PCDHB7: variants seen among roughly 807,000 people sequenced by gnomAD.
PCDHB7 encodes the protein protocadherin beta 7.
For synonymous variants in PCDHB7, 542 were observed against 463.1 expected, an observed-to-expected ratio of 1.17 and a Z score of -2.19; for missense variants, 1,148 against 1,011.6, an observed-to-expected ratio of 1.13 and a Z score of -1.83.
At position 141,174,864 on chromosome 5, in the gene PCDHB7, G is replaced by A. The variant is rs1358545738; in HGVS notation, c.2029G>A (p.Ala677Thr). ...GCCCTACCTGCGGCTCCCGGAGGCG[G>A]CCCCGGACCAGGCCAACTCGCTCAC... ...SQPYLRLPEA[A>T]PDQANSLTVY... Residue 677 changes from alanine (A) to threonine (T), a missense_variant, in exon 1 of 1, where the codon GCC becomes ACC. By Grantham distance (58) the Ala-to-Thr change is moderately conservative. Coordinates refer to ENST00000231137, the MANE Select transcript of PCDHB7 (RefSeq NM_018940.4). 9 of 1,610,802 alleles carry A rather than the reference G, an allele frequency of 5.6e-6. No homozygotes were observed. The highest frequency in any genetic ancestry group is 2.2e-5 in the East Asian group (1 of 44,752).
chr5:141,176,189 A>T lies in PCDHB7; in HGVS notation c.*972A>T, dbSNP rs782482960. On this transcript the variant is annotated 3_prime_UTR_variant, in exon 1 of 1. Coordinates refer to ENST00000231137, the MANE Select transcript of PCDHB7 (RefSeq NM_018940.4). ...TATTGTAGATTTTCTGCAGTCACCCATACTTAACATTTGTAATACATTTTC... is the reference window on the plus strand; with the variant it reads ...TATTGTAGATTTTCTGCAGTCACCCTTACTTAACATTTGTAATACATTTTC... 6.0e-6 allele frequency: 1 copy of T among 167,168 alleles called. No individual in the cohort carries two copies. The highest frequency in any genetic ancestry group is 1.5e-5 in the Non-Finnish European group (1 of 68,134). 10.4% of individuals were successfully genotyped at this position (167,168 alleles called of 1,614,324 possible).
Position 141,175,960 on chromosome 5 carries a change from C to A in PCDHB7, c.*743C>A, listed in dbSNP as rs1753371800. 1.2e-5 allele frequency: 2 copies of A among 167,136 alleles called. No individual in the cohort carries two copies. Among genetic ancestry groups the A allele is most frequent in the Admixed American group, 1.3e-4 (2 of 15,280 alleles). 10.4% of individuals were successfully genotyped at this position (167,136 alleles called of 1,614,324 possible). On this transcript the variant is annotated 3_prime_UTR_variant, in exon 1 of 1. Coordinates refer to ENST00000231137, the MANE Select transcript of PCDHB7 (RefSeq NM_018940.4). Reference sequence around the variant, plus strand: ...TTTTATTTTCTTATACACCAAAAGTCCTGCTTTTCTGGGTCAATTTTCAAC... The same window carrying A: ...TTTTATTTTCTTATACACCAAAAGTACTGCTTTTCTGGGTCAATTTTCAAC...
chr5:141,174,426 G>T lies in PCDHB7; in HGVS notation c.1591G>T (p.Val531Leu), dbSNP rs782331651. Residue 531 changes from valine (V) to leucine (L), a missense_variant, in exon 1 of 1, where the codon GTG becomes TTG. Physicochemically the swap from Val to Leu is conservative, Grantham distance 32 (BLOSUM62 1). Coordinates refer to ENST00000231137, the MANE Select transcript of PCDHB7 (RefSeq NM_018940.4). ...GGCCCTGCAGGCGTTCGAGTTCCGC[G>T]TGGGCGCCACAGACCGCGGCTCCCC... is the stretch of plus-strand genomic sequence containing the variant. ...YEALQAFEFR[V>L]GATDRGSPAL... The T allele has an allele frequency of 6.2e-7, 1 of 1,611,860 alleles. No individual in the cohort carries two copies. Among genetic ancestry groups the T allele is most frequent in the Non-Finnish European group, 8.5e-7 (1 of 1,179,770 alleles).
rs1199093555 is a variant in PCDHB7, at chr5:141,175,316, T to C, written c.*99T>C. On this transcript the variant is annotated 3_prime_UTR_variant, in exon 1 of 1. Transcript: ENST00000231137. ...GAGTGTCTTTACATCATTTCAAATA[T>C]GTACTCTTGAAGTCAAGCAATAAAT... is the stretch of plus-strand genomic sequence containing the variant. 3.2e-6 allele frequency: 4 copies of C among 1,232,678 alleles called. No homozygotes were observed. Among genetic ancestry groups the C allele is most frequent in the Middle Eastern group, 2.0e-4 (1 of 4,948 alleles). 76.4% of individuals were successfully genotyped at this position (1,232,678 alleles called of 1,614,324 possible). A position where few individuals can be genotyped will look rare whatever the true frequency, so the allele number is the denominator to read the frequency against.
Position 141,174,787 on chromosome 5 carries a change from C to A in PCDHB7, c.1952C>A (p.Pro651Gln). Reference sequence around the variant, plus strand: ...CTGGTCAAGGACAATGGCGAGCCTCCGCGCTCGGCCACCGCCACGCTGCAC... The same window carrying A: ...CTGGTCAAGGACAATGGCGAGCCTCAGCGCTCGGCCACCGCCACGCTGCAC... Reference protein sequence around the residue: ...VVLVKDNGEPPRSATATLHVL... With the variant: ...VVLVKDNGEPQRSATATLHVL... Residue 651 changes from proline (P) to glutamine (Q), a missense_variant, in exon 1 of 1, where the codon CCG becomes CAG. Pro to Gln is a moderately conservative substitution (Grantham distance 76). Transcript: ENST00000231137. The A allele has an allele frequency of 1.2e-6, 2 of 1,611,198 alleles. No homozygotes were observed. The highest frequency in any genetic ancestry group is 1.1e-5 in the South Asian group (1 of 90,978).
rs1224780598 is a variant in PCDHB7 at position 141,176,380 on chromosome 5, T to A, written c.*1163T>A. On this transcript the variant is annotated 3_prime_UTR_variant, in exon 1 of 1. Coordinates refer to ENST00000231137, the MANE Select transcript of PCDHB7 (RefSeq NM_018940.4). ...TCTCGGAAGTTAAGGAGAAGCACTG[T>A]TTTTTATAAAAATTTACAACTGATT... 1 of 166,644 alleles carries A rather than the reference T, an allele frequency of 6.0e-6. No individual in the cohort carries two copies. Among genetic ancestry groups the A allele is most frequent in the Admixed American group, 6.5e-5 (1 of 15,302 alleles). 10.3% of individuals were successfully genotyped at this position (166,644 alleles called of 1,614,324 possible).
chr5:141,173,047 A>G lies in PCDHB7; in HGVS notation c.212A>G (p.Asn71Ser), dbSNP rs1554279890. 1 of 1,614,216 alleles carries G rather than the reference A, an allele frequency of 6.2e-7. No homozygotes were observed. The highest frequency in any genetic ancestry group is 1.1e-5 in the South Asian group (1 of 91,086). The change falls in exon 1 of 1, where the codon AAC becomes AGC. Residue 71 changes from asparagine (N) to serine (S), a missense_variant. By Grantham distance (46) the Asn-to-Ser change is conservative. Transcript: ENST00000231137. ...ARGTRIVSDQ[N>S]MQILLLSSLT... Reference sequence around the variant, plus strand: ...GGAACTAGAATTGTTTCAGACCAGAACATGCAAATTTTACTGCTCAGTTCG... The same window carrying G: ...GGAACTAGAATTGTTTCAGACCAGAGCATGCAAATTTTACTGCTCAGTTCG...
In PCDHB7 at chr5:141,173,649, G is replaced by A. The variant is rs781836003; in HGVS notation, c.814G>A (p.Gly272Arg). 5.0e-6 allele frequency: 8 copies of A among 1,614,136 alleles called. No individual in the cohort carries two copies. The South Asian group carries it at 6.6e-5, about 13-fold the overall frequency. The change falls in exon 1 of 1, where the codon GGA (glycine) becomes AGA (arginine). Residue 272 changes from glycine (G) to arginine (R), a missense_variant. Gly to Arg is a moderately radical substitution (Grantham distance 125). Coordinates refer to ENST00000231137, the MANE Select transcript of PCDHB7 (RefSeq NM_018940.4). The part of the protein sequence containing the change: ...VSVSARDLDT[G>R]SNGEIAYAFS... ...CGTGTCAGCCAGAGATTTAGATACC[G>A]GAAGTAATGGGGAAATAGCCTATGC... is the stretch of plus-strand genomic sequence containing the variant.
Position 141,172,720 on chromosome 5 carries a change from C to G in PCDHB7, c.-116C>G. The G allele has an allele frequency of 1.2e-6, 1 of 804,434 alleles. No individual in the cohort carries two copies. The allele number at this position is 804,434 out of a possible 1,614,324, so 49.8% of individuals were successfully genotyped here. A position where few individuals can be genotyped will look rare whatever the true frequency, so the allele number is the denominator to read the frequency against. ...ATAGGAATTGGGGTAAAATGAGGATCCTTCCCCACAAACATTGCTATTATT... is the reference window on the plus strand; with the variant it reads ...ATAGGAATTGGGGTAAAATGAGGATGCTTCCCCACAAACATTGCTATTATT... On this transcript the variant is annotated 5_prime_UTR_variant, in exon 1 of 1. In the 5' UTR this introduces an upstream ATG that the reference lacks. Transcript: ENST00000231137.
rs1554280168 is a variant in PCDHB7 at position 141,174,128 on chromosome 5, G to T, written c.1293G>T (p.Leu431=). ...TCACCGACTTGGGGACACCCAGGCT[G>T]AAAACCGAGCACAACATAACCGTGC... ...ITVTDLGTPR[L]KTEHNITVLV... Residue 431 remains leucine, a synonymous_variant, in exon 1 of 1, where the codon CTG becomes CTT. Coordinates refer to ENST00000231137, the MANE Select transcript of PCDHB7 (RefSeq NM_018940.4). 6.2e-7 allele frequency: 1 copy of T among 1,614,086 alleles called. No individual in the cohort carries two copies. Among genetic ancestry groups the T allele is most frequent in the Non-Finnish European group, 8.5e-7 (1 of 1,180,044 alleles).
chr5:141,173,263 T>C lies in PCDHB7; in HGVS notation c.428T>C (p.Leu143Ser). Residue 143 changes from leucine (L) to serine (S), a missense_variant, in exon 1 of 1, where the codon TTA (leucine) becomes TCA (serine). Transcript: ENST00000231137. ...FLDREISLKI[L>S]ESTTPGAAFL... is the part of the protein sequence containing the mutation. ...GACAGAGAGATTTCCTTGAAAATAT[T>C]AGAAAGTACCACTCCAGGGGCGGCA... 6.2e-7 allele frequency: 1 copy of C among 1,614,150 alleles called. No homozygotes were observed. Among genetic ancestry groups the C allele is most frequent in the Non-Finnish European group, 8.5e-7 (1 of 1,180,030 alleles).
Position 141,175,074 on chromosome 5 carries a change from T to C in PCDHB7, c.2239T>C (p.Tyr747His), listed in dbSNP as rs1359380173. Residue 747 changes from tyrosine to histidine, a missense_variant, in exon 1 of 1, where the codon TAC becomes CAC. Physicochemically the swap from Tyr to His is moderately conservative, Grantham distance 83 (BLOSUM62 2). Coordinates refer to ENST00000231137, the MANE Select transcript of PCDHB7 (RefSeq NM_018940.4). ...LSGTGTLSQS[Y>H]QYEVCLTGGS... ...CGGCACCGGGACCCTATCCCAGAGC[T>C]ACCAGTATGAGGTGTGCCTGACTGG... The C allele has an allele frequency of 6.2e-7, 1 of 1,614,096 alleles. No individual in the cohort carries two copies. The highest frequency in any genetic ancestry group is 2.2e-5 in the East Asian group (1 of 44,884).
chr5:141,172,892 A>T lies in PCDHB7; in HGVS notation c.57A>T (p.Val19=). 6.2e-7 allele frequency: 1 copy of T among 1,614,146 alleles called. No homozygotes were observed. The highest frequency in any genetic ancestry group is 8.5e-7 in the Non-Finnish European group (1 of 1,180,012). ...VQKRQVLFLC[V]FLGMSWAGAE... is the part of the protein sequence containing the mutation. ...AAAGGCAAGTCTTATTTCTTTGTGT[A>T]TTTCTGGGAATGTCTTGGGCTGGCG... is the stretch of plus-strand genomic sequence containing the variant. The change falls in exon 1 of 1, where the codon GTA becomes GTT. Residue 19 remains valine (V), a synonymous_variant. Transcript: ENST00000231137.
rs1399441246 is a variant in PCDHB7, at chr5:141,175,535, G to A, written c.*318G>A. On this transcript the variant is annotated 3_prime_UTR_variant, in exon 1 of 1. Transcript: ENST00000231137. Reference sequence around the variant, plus strand: ...TGAGACTTCCTGAGTTGATTAGAAAGCTGTATGAGTGTACCTACCCTAGTC... The same window carrying A: ...TGAGACTTCCTGAGTTGATTAGAAAACTGTATGAGTGTACCTACCCTAGTC... The A allele has an allele frequency of 2.7e-6, 1 of 367,260 alleles. No individual in the cohort carries two copies. The highest frequency in any genetic ancestry group is 4.9e-6 in the Non-Finnish European group (1 of 203,076). 22.8% of individuals were successfully genotyped at this position (367,260 alleles called of 1,614,324 possible). A position where few individuals can be genotyped will look rare whatever the true frequency, so the allele number is the denominator to read the frequency against.
At position 141,172,787 on chromosome 5, in the gene PCDHB7, C is replaced by A. The variant is rs1554279820; in HGVS notation, c.-49C>A. On this transcript the variant is annotated 5_prime_UTR_variant, in exon 1 of 1. Coordinates refer to ENST00000231137, the MANE Select transcript of PCDHB7 (RefSeq NM_018940.4). ...ATTCCGCTGCTGCCATTTGTGAGAG[C>A]CGCTGGAGGCTGAGTGAAAGTCATT... The A allele has an allele frequency of 6.8e-7, 1 of 1,473,978 alleles. No homozygotes were observed. Among genetic ancestry groups the A allele is most frequent in the Non-Finnish European group, 9.3e-7 (1 of 1,071,184 alleles). The allele number at this position is 1,473,978 out of a possible 1,614,324, so 91.3% of individuals were successfully genotyped here. A position where few individuals can be genotyped will look rare whatever the true frequency, so the allele number is the denominator to read the frequency against.
chr5:141,174,519 C>T lies in PCDHB7; in HGVS notation c.1684C>T (p.Leu562=). Residue 562 remains leucine, a synonymous_variant, in exon 1 of 1, where the codon CTG becomes TTG. Coordinates refer to ENST00000231137, the MANE Select transcript of PCDHB7 (RefSeq NM_018940.4). ...LDANDNSPFV[L]YPLQNSSAPC... ...CGCCAACGACAACTCGCCCTTCGTG[C>T]TGTACCCGCTGCAGAACAGCTCCGC... 5 of 1,610,662 alleles carry T rather than the reference C, an allele frequency of 3.1e-6. No homozygotes were observed. The highest frequency in any genetic ancestry group is 4.2e-6 in the Non-Finnish European group (5 of 1,179,646).
chr5:141,172,879 T>C lies in PCDHB7; in HGVS notation c.44T>C (p.Leu15Ser). 1 of 1,614,188 alleles carries C rather than the reference T, an allele frequency of 6.2e-7. No homozygotes were observed. Among genetic ancestry groups the C allele is most frequent in the Non-Finnish European group, 8.5e-7 (1 of 1,180,022 alleles). ...VERAVQKRQV[L>S]FLCVFLGMSW... ...CGTGCTGTGCAGAAAAGGCAAGTCT[T>C]ATTTCTTTGTGTATTTCTGGGAATG... Residue 15 changes from leucine (L) to serine (S), a missense_variant, in exon 1 of 1, where the codon TTA becomes TCA. By Grantham distance (145) the Leu-to-Ser change is moderately radical. Coordinates refer to ENST00000231137, the MANE Select transcript of PCDHB7 (RefSeq NM_018940.4).
chr5:141,173,935 T>A lies in PCDHB7; in HGVS notation c.1100T>A (p.Val367Asp). ...AENSPETVVAVFRIRDRDSGN... is the reference protein window; with the variant it reads ...AENSPETVVADFRIRDRDSGN... ...AACTCACCCGAGACAGTCGTGGCTGTTTTTAGGATTAGAGACAGAGATTCC... is the reference window on the plus strand; with the variant it reads ...AACTCACCCGAGACAGTCGTGGCTGATTTTAGGATTAGAGACAGAGATTCC... The change falls in exon 1 of 1, where the codon GTT becomes GAT. Residue 367 changes from valine to aspartate, a missense_variant. Coordinates refer to ENST00000231137, the MANE Select transcript of PCDHB7 (RefSeq NM_018940.4). The A allele has an allele frequency of 6.2e-7, 1 of 1,612,370 alleles. No homozygotes were observed. Among genetic ancestry groups the A allele is most frequent in the Non-Finnish European group, 8.5e-7 (1 of 1,178,826 alleles).
At position 141,173,874 on chromosome 5, in the gene PCDHB7, C is replaced by A; in HGVS notation, c.1039C>A (p.Leu347Met). 4 of 1,613,670 alleles carry A rather than the reference C, an allele frequency of 2.5e-6. No homozygotes were observed. The highest frequency in any genetic ancestry group is 3.4e-6 in the Non-Finnish European group (4 of 1,179,682). Residue 347 changes from leucine to methionine, a missense_variant, in exon 1 of 1, where the codon CTG (leucine) becomes ATG (methionine). By Grantham distance (15) the Leu-to-Met change is conservative (BLOSUM62 2). Transcript: ENST00000231137. ...AGATATAAACGATAATCGACCCGAGCTGCTCCTGTCTTCACTTACTAGCCC... is the reference window on the plus strand; with the variant it reads ...AGATATAAACGATAATCGACCCGAGATGCTCCTGTCTTCACTTACTAGCCC... Reference protein sequence around the residue: ...VTDINDNRPELLLSSLTSPIA... With the variant: ...VTDINDNRPEMLLSSLTSPIA...
Sources: allele counts gnomAD v4.1 joint callset, GRCh38; gene constraint gnomAD v4.1.1; transcripts MANE v1.5; gene names NCBI Gene and HGNC (gene_info 2026-07-23, HGNC 2026-07-21).